Variants in CIST1 observed in about 807,000 individuals in gnomAD.
The protein encoded by CIST1 is colon, intestine and stomach enriched 1, also known as uncharacterized LOC729966.
the CIST1 span, chr19:18,255,074 G>A: frequency 5.1e-6 from 2 of 392,450 alleles, no homozygotes; most frequent in Non-Finnish European, 9.0e-6. This position sits in a 1 kb window ranked among gnomAD's most constrained non-coding sequence, Gnocchi z 4.6. Context: ...GTTTGTTTCT[G>A]GGGGAAAACC....
At chr19:18,255,365 C>T in the CIST1 span, 1 of 398,682 alleles carries the variant, frequency 2.5e-6, no homozygotes. The surrounding 1 kb of genome is among the most constrained non-coding windows in gnomAD (Gnocchi z 4.6). Context: ...AGGTGTGTGC[C>T]CAGGTGCCAG....
chr19:18,252,933 A>G, the CIST1 span, among the ~76,000 whole-genome samples: 5 of 151,962 alleles, frequency 3.3e-5, no homozygotes, highest in East Asian at 7.7e-4. Flanking sequence ...TAATTAATTT[A>G]TTTTTTTGTC....
chr19:18,254,121 G>A, the CIST1 span, among the ~76,000 whole-genome samples: 2 of 152,176 alleles, frequency 1.3e-5, no homozygotes, highest in South Asian at 4.1e-4. Context: ...CTCAGGCTGG[G>A]CTTCATCCCC....
the CIST1 span, among the ~76,000 whole-genome samples, chr19:18,251,418 G>A: frequency 1.3e-5 from 2 of 150,884 alleles, no homozygotes; most frequent in African/African-American, 4.9e-5. Flanking sequence ...GAACCACCAC[G>A]CCCAGCCATT....
the CIST1 span, among the ~76,000 whole-genome samples, chr19:18,250,688 C>T: frequency 5.3e-5 from 8 of 152,122 alleles, no homozygotes; most frequent in Non-Finnish European, 1.0e-4. Flanking sequence ...CTCACTGCAG[C>T]CTCTATCTCC....
At chr19:18,253,732 C>T in the CIST1 span, among the ~76,000 whole-genome samples, 6 of 152,262 alleles carry the variant, frequency 3.9e-5, no homozygotes, top group South Asian at 2.1e-4. Flanking sequence ...AACATGTCTC[C>T]GGAACCCACC....
At chr19:18,253,576 A>AC in the CIST1 span, among the ~76,000 whole-genome samples, 2 of 151,136 alleles carry the variant, frequency 1.3e-5, no homozygotes, top group Admixed American at 1.3e-4. Flanking sequence ...ACACACACAC[A>AC]ATAGAATAGA....
At chr19:18,251,681 C>CCCCCCCCCCCG in the CIST1 span, among the ~76,000 whole-genome samples, 2 of 73,822 alleles carry the variant, frequency 2.7e-5, no homozygotes, top group African/African-American at 9.5e-5. Flanking sequence ...GATACACGCC[C>CCCCCCCCCCCG]CCCCCGCCCC....
At chr19:18,252,663 G>T in the CIST1 span, among the ~76,000 whole-genome samples, 1 of 151,534 alleles carries the variant, frequency 6.6e-6, no homozygotes, top group Non-Finnish European at 1.5e-5. Context: ...TGTCACCCAG[G>T]CTGGAGAGCA....
chr19:18,254,175 G>A, the CIST1 span, among the ~76,000 whole-genome samples: 1 of 152,294 alleles, frequency 6.6e-6, no homozygotes, highest in South Asian at 2.1e-4. Context: ...CAGAGGGTCT[G>A]GCCTGAGGTG....
the CIST1 span, chr19:18,250,386 C>T: frequency 6.0e-5 from 24 of 399,000 alleles, no homozygotes; most frequent in Admixed American, 4.8e-4. Flanking sequence ...ACCACAGACC[C>T]GATGAGCAAA....
At chr19:18,253,276 G>A in the CIST1 span, among the ~76,000 whole-genome samples, 574 of 152,256 alleles carry the variant, frequency 3.8e-3, 2 homozygotes, top group African/African-American at 0.011. Context: ...CCAGCTACTG[G>A]GGAGGCTGAG....
At chr19:18,254,092 G>A in the CIST1 span, among the ~76,000 whole-genome samples, 2 of 152,184 alleles carry the variant, frequency 1.3e-5, no homozygotes, top group African/African-American at 4.8e-5. Flanking sequence ...TGACGGCTGA[G>A]TCTAGAAGAG....
At chr19:18,251,087 TTTTA>T in the CIST1 span, among the ~76,000 whole-genome samples, 1 of 149,358 alleles carries the variant, frequency 6.7e-6, no homozygotes, top group African/African-American at 2.5e-5. Flanking sequence ...AATTTTTAAA[TTTTA>T]TTTAATCAAT....
chr19:18,254,974 T>G, the CIST1 span, among the ~76,000 whole-genome samples: 2 of 152,234 alleles, frequency 1.3e-5, no homozygotes, highest in African/African-American at 4.8e-5. Context: ...ATCTGTGGCC[T>G]CCAGCAGGTT....
the CIST1 span, among the ~76,000 whole-genome samples, chr19:18,251,181 A>T: frequency 6.7e-6 from 1 of 148,170 alleles, no homozygotes; most frequent in Admixed American, 6.9e-5. Context: ...GCTGGAGTGC[A>T]GTGGTTCAAT....
At chr19:18,252,509 A>G in the CIST1 span, 1 of 398,754 alleles carries the variant, frequency 2.5e-6, no homozygotes, top group Non-Finnish European at 4.4e-6. Context: ...TCACGCCTGT[A>G]ATTCCAGCAC....
At chr19:18,255,233 A>G in the CIST1 span, 1 of 398,750 alleles carries the variant, frequency 2.5e-6, no homozygotes, top group East Asian at 3.6e-5. This position sits in a 1 kb window ranked among gnomAD's most constrained non-coding sequence, Gnocchi z 4.6. Context: ...TAAAGGGAGT[A>G]TTGTAATTCA....
the CIST1 span, among the ~76,000 whole-genome samples, chr19:18,251,822 T>C: frequency 1.3e-4 from 19 of 151,834 alleles, no homozygotes; most frequent in Non-Finnish European, 2.1e-4. Flanking sequence ...ATGTATAACC[T>C]GTCTCCCCAC....
Sources: allele counts gnomAD v4.1 joint callset (sites outside exome capture counted in the v4.1 genomes callset), GRCh38; gene constraint gnomAD v4.1.1; non-coding constraint Gnocchi (gnomAD v3.1); transcripts MANE v1.5; gene names NCBI Gene and HGNC (gene_info 2026-07-23, HGNC 2026-07-21).